The following NELL2 variants were observed in gnomAD, a reference collection of about 807,000 sequenced individuals.
The protein encoded by NELL2 is protein kinase C-binding protein NELL2.
Under a neutral mutation model 109.6 loss-of-function variants are expected in NELL2, and 41 were observed. The ratio of observed to expected loss-of-function variants is 0.37; its 90% CI spans 0.29 to 0.49. The LOEUF (loss-of-function observed/expected upper bound fraction) is 0.49. NELL2 is among the 20% of genes least tolerant of loss of function. The probability of loss-of-function intolerance (pLI) is 0.98; values close to 1 mark genes in which losing one functional copy is unlikely to be tolerated. For synonymous variants in NELL2, 355 were observed against 344.7 expected, an observed-to-expected ratio of 1.03 and a Z score of -0.33; for missense variants, 900 against 1,008.3, an observed-to-expected ratio of 0.89 and a Z score of 1.45.
chr12:44,880,948 C>G (rs1195158806), upstream of NELL2: 1 of 151,898 alleles, frequency 6.6e-6, no homozygotes, highest in Non-Finnish European at 1.5e-5. Context: ...TAGTTGTAAG[C>G]ACCACTGCAC....
At chr12:44,766,008 T>C (rs1179156445) in intron 9 of NELL2, among the ~76,000 whole-genome samples, 1 of 151,194 alleles carries the variant, frequency 6.6e-6, no homozygotes, top group Non-Finnish European at 1.5e-5. Flanking sequence ...TAATCCCAGC[T>C]ACAGGAGGTG....
chr12:44,610,863 C>T lies in NELL2; in HGVS notation c.1552G>A (p.Gly518Arg). 1 of 1,613,020 alleles carries T rather than the reference C, an allele frequency of 6.2e-7. No individual in the cohort carries two copies. The highest frequency in any genetic ancestry group is 8.5e-7 in the Non-Finnish European group (1 of 1,179,268). Reference protein sequence around the residue: ...CVCKPGYTGNGTTCKAFCKDG... With the variant: ...CVCKPGYTGNRTTCKAFCKDG... ...AACCTTTTACCTTTGCATGTCGTTC[C>T]ATTCCCTGTATAGCCCGGCTTGCAA... Residue 518 changes from glycine (G) to arginine (R), a missense_variant, in exon 14 of 20, where the codon GGA (glycine) becomes AGA (arginine). This residue lies in a region of NELL2 where 333 missense variants were observed against 432.3 expected (regional missense o/e 0.77). Transcript: ENST00000429094.
At chr12:44,683,587 A>G (rs1250738301) in intron 12 of NELL2, among the ~76,000 whole-genome samples, 1 of 152,064 alleles carries the variant, frequency 6.6e-6, no homozygotes, top group Non-Finnish European at 1.5e-5. Context: ...ATTTTGAGAT[A>G]CGTCCCATCA....
At chr12:44,921,152 T>A (rs961196189) in intron 1 of NELL2, among the ~76,000 whole-genome samples, 2 of 152,222 alleles carry the variant, frequency 1.3e-5, no homozygotes, top group Non-Finnish European at 2.9e-5. Context: ...CCTAGATTAT[T>A]TATATCTATT....
upstream of NELL2, among the ~76,000 whole-genome samples, chr12:44,878,154 A>C (rs1945370095): frequency 6.6e-6 from 1 of 152,148 alleles, no homozygotes; most frequent in Non-Finnish European, 1.5e-5. Flanking sequence ...GATACTCTCG[A>C]GTTTCTCTGA....
chr12:44,566,533 TCACACA>T (rs3071958), intron 15 of NELL2, among the ~76,000 whole-genome samples: 32,513 of 148,634 alleles, frequency 0.22, 3,673 homozygotes, highest in South Asian at 0.33. Flanking sequence ...TTACACATAC[TCACACA>T]CACACACACA....
chr12:44,510,687 T>C (rs1237482101), intron 19 of NELL2, among the ~76,000 whole-genome samples: 1 of 152,208 alleles, frequency 6.6e-6, no homozygotes, highest in Non-Finnish European at 1.5e-5. Context: ...CAACCATTTC[T>C]TAGACCCCTA....
chr12:44,820,608 C>CAA (rs11445797), intron 2 of NELL2, among the ~76,000 whole-genome samples: 2,326 of 133,644 alleles, frequency 0.017, 66 homozygotes, highest in African/African-American at 0.055. Context: ...GACTCCGTCT[C>CAA]AAAAAAAAAA....
At chr12:44,633,559 C>T (rs1175329810) in intron 13 of NELL2, among the ~76,000 whole-genome samples, 2 of 152,080 alleles carry the variant, frequency 1.3e-5, no homozygotes, top group African/African-American at 4.8e-5. Flanking sequence ...AAGTCTTTTG[C>T]TTTGAGTTCA....
At chr12:44,515,317 T>C (rs1434047452) in intron 19 of NELL2, among the ~76,000 whole-genome samples, 2 of 151,930 alleles carry the variant, frequency 1.3e-5, no homozygotes, top group South Asian at 2.1e-4. Flanking sequence ...AAATAAATAT[T>C]AGACAAAATT....
chr12:44,711,571 T>C (rs563205438), intron 10 of NELL2, among the ~76,000 whole-genome samples, 177 bp from the exon 11 acceptor site: 3 of 152,202 alleles, frequency 2.0e-5, no homozygotes, highest in South Asian at 2.1e-4. Context: ...GGAAAGTCTT[T>C]AGAATAAGCA....
chr12:44,695,314 C>A (rs1382950340), intron 12 of NELL2, among the ~76,000 whole-genome samples: 2 of 150,758 alleles, frequency 1.3e-5, no homozygotes, highest in Non-Finnish European at 3.0e-5. Context: ...AAAGAAGAAG[C>A]AGCATTCAAT....
At chr12:44,649,425 A>T (rs1947227017) in intron 13 of NELL2, among the ~76,000 whole-genome samples, 1 of 152,172 alleles carries the variant, frequency 6.6e-6, no homozygotes, top group Non-Finnish European at 1.5e-5. Context: ...TTGCAACATA[A>T]ATTAATACAA....
intron 2 of NELL2, among the ~76,000 whole-genome samples, chr12:44,862,481 G>T (rs1201844578): frequency 6.6e-6 from 1 of 152,120 alleles, no homozygotes; most frequent in Non-Finnish European, 1.5e-5. Context: ...GATTTTTCCA[G>T]AATTGATTAT....
At chr12:44,532,139 A>G (rs987515095) in intron 16 of NELL2, among the ~76,000 whole-genome samples, 1 of 152,160 alleles carries the variant, frequency 6.6e-6, no homozygotes, top group Non-Finnish European at 1.5e-5. Context: ...GGCAAGTGTT[A>G]TGTTAGGAAT....
rs1487114654 is a variant in NELL2, at chr12:44,875,805, G to A, written c.55+10C>T. The A allele has an allele frequency of 1.4e-5, 23 of 1,613,444 alleles. No homozygotes were observed. The highest frequency in any genetic ancestry group is 2.7e-5 in the African/African-American group (2 of 75,024). ...TCCCTTTCCCCAGCCCCAGCTCTGC[G>A]GCCACTCACCTGCTCCGAGACCGAA... On this transcript the variant is annotated intron_variant, in intron 1 of 19. Transcript: ENST00000429094.
intron 12 of NELL2, among the ~76,000 whole-genome samples, chr12:44,683,140 T>C (rs1464311028): frequency 6.6e-6 from 1 of 152,218 alleles, no homozygotes; most frequent in African/African-American, 2.4e-5. Flanking sequence ...TTCACGTCCC[T>C]TGTAAGCTGG....
At chr12:44,685,578 G>A (rs566971864) in intron 12 of NELL2, among the ~76,000 whole-genome samples, 8 of 151,982 alleles carry the variant, frequency 5.3e-5, no homozygotes, top group Admixed American at 1.3e-4. Flanking sequence ...AATGTTTAGC[G>A]CTTCCTTCAG....
chr12:44,583,960 G>A (rs1944411968), intron 15 of NELL2, among the ~76,000 whole-genome samples: 1 of 152,092 alleles, frequency 6.6e-6, no homozygotes, highest in Admixed American at 6.6e-5. Flanking sequence ...TTTCATAGAG[G>A]TGGGTTTTCT....
Sources: gnomAD v4.1 joint callset for allele counts (sites outside exome capture counted in the v4.1 genomes callset) on GRCh38, gnomAD v4.1.1 for gene constraint, gnomAD v4.1.1 regional missense constraint, MANE v1.5 for transcripts, NCBI Gene and HGNC (gene_info 2026-07-23, HGNC 2026-07-21) for gene names.